SLC24A2: variants seen among roughly 807,000 people sequenced by gnomAD.
SLC24A2 encodes the protein sodium/potassium/calcium exchanger 2.
Under a neutral mutation model 62.0 loss-of-function variants are expected in SLC24A2, and 36 were observed. The observed-to-expected ratio is 0.58, with a 90% CI of 0.44 to 0.77. The LOEUF (loss-of-function observed/expected upper bound fraction) is 0.77, where lower values mean the gene tolerates loss of function less well. Among genes scored for constraint, SLC24A2 ranks in the 30% least tolerant of loss-of-function variants. SLC24A2 has a pLI of 0.00. For synonymous variants in SLC24A2, 358 were observed against 294.0 expected, an observed-to-expected ratio of 1.22 and a Z score of -2.23; for missense variants, 846 against 817.9, an observed-to-expected ratio of 1.03 and a Z score of -0.42.
chr9:19,785,564 G>A (rs1382467180), intron 2 of SLC24A2, among the ~76,000 whole-genome samples: 1 of 152,120 alleles, frequency 6.6e-6, no homozygotes, highest in Non-Finnish European at 1.5e-5. Context: ...AAAAAGAAAA[G>A]GCCTTGCAAC....
At chr9:20,227,634 C>A in the SLC24A2 span, among the ~76,000 whole-genome samples, 5 of 150,832 alleles carry the variant, frequency 3.3e-5, no homozygotes, top group African/African-American at 9.7e-5. Context: ...AAAATAGTGT[C>A]TCTTCTGCCC....
intron 1 of SLC24A2, 87 bp downstream of exon 1, chr9:19,788,798 G>A: frequency 1.0e-6 from 1 of 985,458 alleles, no homozygotes; most frequent in Non-Finnish European, 1.2e-6. Context: ...AGCCTGCAGA[G>A]CAGCAACGGG....
chr9:20,273,070 C>T, the SLC24A2 span, among the ~76,000 whole-genome samples: 20 of 152,254 alleles, frequency 1.3e-4, no homozygotes, highest in East Asian at 9.7e-4. Flanking sequence ...GTGAGGCAGA[C>T]GATGTGTCTA....
the SLC24A2 span, among the ~76,000 whole-genome samples, chr9:19,873,418 TTCTC>T: frequency 1.3e-5 from 2 of 150,504 alleles, no homozygotes; most frequent in South Asian, 2.1e-4. Context: ...CTTTCTTTCT[TTCTC>T]TTTCTCTCTC....
At position 19,609,296 on chromosome 9, in the gene SLC24A2, G is replaced by A. The variant is rs370818380; in HGVS notation, c.1078+10288C>T. Reference sequence around the variant, plus strand: ...CCTGCCCCGCTTGGTGCCTCACCAAGAGCAGTTAGTGAATCTGGCCAGGGC... The same window carrying A: ...CCTGCCCCGCTTGGTGCCTCACCAAAAGCAGTTAGTGAATCTGGCCAGGGC... On this transcript the variant is annotated intron_variant, in intron 4 of 10. Coordinates refer to ENST00000341998, the MANE Select transcript of SLC24A2 (RefSeq NM_020344.4). Among the ~76,000 whole-genome samples, 47 of 152,358 alleles carry A rather than the reference G, an allele frequency of 3.1e-4. No homozygotes were observed. In the South Asian group the frequency reaches 9.3e-3, roughly 30 times the overall value.
chr9:19,933,311 A>G, the SLC24A2 span, among the ~76,000 whole-genome samples: 1 of 152,212 alleles, frequency 6.6e-6, no homozygotes, highest in Non-Finnish European at 1.5e-5. Context: ...TCTGGGATTC[A>G]CAGGTGTCCT....
At chr9:20,019,716 C>G in the SLC24A2 span, among the ~76,000 whole-genome samples, 7 of 152,128 alleles carry the variant, frequency 4.6e-5, no homozygotes, top group East Asian at 1.3e-3. Context: ...CCAAAATTGA[C>G]AAATGGGATC....
the SLC24A2 span, among the ~76,000 whole-genome samples, chr9:20,115,675 G>A: frequency 3.9e-5 from 6 of 152,148 alleles, no homozygotes; most frequent in Non-Finnish European, 5.9e-5. Flanking sequence ...AAAAGGATCT[G>A]CCGGTGAAGA....
the SLC24A2 span, among the ~76,000 whole-genome samples, chr9:19,803,540 T>C: frequency 1.3e-5 from 2 of 152,176 alleles, no homozygotes; most frequent in Non-Finnish European, 2.9e-5. Context: ...TTAAAAAATC[T>C]GGATATTTTA....
intron 2 of SLC24A2, among the ~76,000 whole-genome samples, chr9:19,662,095 A>G (rs1819118406): frequency 6.6e-6 from 1 of 152,230 alleles, no homozygotes; most frequent in Non-Finnish European, 1.5e-5. Context: ...TGTCCAACAG[A>G]AATAAAATGT....
intron 4 of SLC24A2, among the ~76,000 whole-genome samples, chr9:19,600,070 G>C (rs1836803617): frequency 6.6e-6 from 1 of 152,180 alleles, no homozygotes; most frequent in Non-Finnish European, 1.5e-5. Context: ...GAGGCAGCTA[G>C]GATTGGAAGA....
At chr9:19,895,546 C>CTTTCTTTCTTT in the SLC24A2 span, among the ~76,000 whole-genome samples, 4 of 135,332 alleles carry the variant, frequency 3.0e-5, no homozygotes, top group African/African-American at 8.0e-5. Context: ...TTCTTTCTTT[C>CTTTCTTTCTTT]TTTTTTTTTT....
chr9:19,637,317 G>A (rs561717818), intron 2 of SLC24A2, among the ~76,000 whole-genome samples: 4 of 152,350 alleles, frequency 2.6e-5, no homozygotes, highest in South Asian at 2.1e-4. Context: ...GCAGGGTGCC[G>A]GAGGTCTGCC....
chr9:20,086,315 G>T, the SLC24A2 span, among the ~76,000 whole-genome samples: 4 of 152,100 alleles, frequency 2.6e-5, no homozygotes, highest in Non-Finnish European at 5.9e-5. Context: ...TATTTCCAGT[G>T]CACCTGCTCA....
chr9:20,256,719 G>T, the SLC24A2 span, among the ~76,000 whole-genome samples: 1 of 152,060 alleles, frequency 6.6e-6, no homozygotes, highest in Non-Finnish European at 1.5e-5. Flanking sequence ...TTCAGTGAGG[G>T]CTTTCTGATA....
At chr9:19,979,280 C>G in the SLC24A2 span, among the ~76,000 whole-genome samples, 1 of 152,222 alleles carries the variant, frequency 6.6e-6, no homozygotes, top group Admixed American at 6.5e-5. Context: ...TGAGGTGGTG[C>G]CTGAGTTTCT....
At chr9:19,787,982 C>T (rs937342309) in intron 1 of SLC24A2, among the ~76,000 whole-genome samples, 5 of 152,190 alleles carry the variant, frequency 3.3e-5, no homozygotes, top group African/African-American at 1.2e-4. Context: ...GTAAAATAGC[C>T]AGACTTGACA....
At chr9:20,196,240 A>G in the SLC24A2 span, among the ~76,000 whole-genome samples, 4 of 152,214 alleles carry the variant, frequency 2.6e-5, no homozygotes, top group Non-Finnish European at 5.9e-5. Flanking sequence ...AGTTTACCTT[A>G]GGGAGATACC....
At chr9:19,871,639 T>C in the SLC24A2 span, among the ~76,000 whole-genome samples, 5 of 152,276 alleles carry the variant, frequency 3.3e-5, no homozygotes, top group South Asian at 6.2e-4. Flanking sequence ...TGAAACAATA[T>C]ACAAGATTAG....
Sources: allele counts gnomAD v4.1 joint callset (sites outside exome capture counted in the v4.1 genomes callset), GRCh38; gene constraint gnomAD v4.1.1; transcripts MANE v1.5; gene names NCBI Gene and HGNC (gene_info 2026-07-23, HGNC 2026-07-21).